The following ASXL3 variants were observed in gnomAD, a reference collection of about 807,000 sequenced individuals.
ASXL3 encodes putative Polycomb group protein ASXL3.
In ASXL3, 34 loss-of-function variants were observed where a neutral mutation model predicts 170.6. The observed-to-expected ratio is 0.20, with a 90% CI of 0.15 to 0.27. The LOEUF (loss-of-function observed/expected upper bound fraction) is 0.27, where lower values mean the gene tolerates loss of function less well. ASXL3 is among the 10% of genes least tolerant of loss of function. ASXL3 has a pLI of 1.00. For synonymous variants in ASXL3, 1,002 were observed against 989.1 expected, an observed-to-expected ratio of 1.01 and a Z score of -0.24; for missense variants, 2,592 against 2,695.3, an observed-to-expected ratio of 0.96 and a Z score of 0.85.
chr18:33,750,695 A>T lies in ASXL3; in HGVS notation c.*4100A>T, dbSNP rs184936699. 29 of 152,338 alleles carry T rather than the reference A, an allele frequency of 1.9e-4. No individual in the cohort carries two copies. The highest frequency in any genetic ancestry group is 7.0e-4 in the African/African-American group (29 of 41,592). The allele number at this position is 152,338 out of a possible 1,614,324, so 9.4% of individuals were successfully genotyped here. A position where few individuals can be genotyped will look rare whatever the true frequency, so the allele number is the denominator to read the frequency against. On this transcript the variant is annotated 3_prime_UTR_variant, in exon 12 of 12. Transcript: ENST00000269197. The stretch of plus-strand genomic sequence containing the variant: ...AATGTGAAATCAACCCAAACATAAC[A>T]TGCATGACAAACACAGATTGGGGGC...
At chr18:33,657,031 A>G (rs1375231248) in intron 4 of ASXL3, among the ~76,000 whole-genome samples, 1 of 152,148 alleles carries the variant, frequency 6.6e-6, no homozygotes, top group Admixed American at 6.6e-5. Context: ...TAAGTCCCTG[A>G]GTTTCCAAGC....
At chr18:33,732,117 C>G (rs541393351) in intron 9 of ASXL3, 53 bp downstream of exon 9, 22 of 1,406,644 alleles carry the variant, frequency 1.6e-5, no homozygotes, top group Non-Finnish European at 2.2e-5. Context: ...ACATACCGTA[C>G]TGAGCTTGTA....
At chr18:33,604,364 AAAAT>A (rs2065220988) in intron 1 of ASXL3, among the ~76,000 whole-genome samples, 1 of 152,130 alleles carries the variant, frequency 6.6e-6, no homozygotes, top group Admixed American at 6.6e-5. Context: ...TACAGGTTAC[AAAAT>A]AAATCTTAAG....
At chr18:33,726,218 C>T (rs1247566724) in intron 8 of ASXL3, among the ~76,000 whole-genome samples, 1 of 152,160 alleles carries the variant, frequency 6.6e-6, no homozygotes, top group Admixed American at 6.5e-5. Flanking sequence ...TTTCATACCA[C>T]ACATTTAATC....
intron 2 of ASXL3, among the ~76,000 whole-genome samples, chr18:33,638,135 A>G (rs2065796691): frequency 1.3e-5 from 2 of 149,864 alleles, no homozygotes; most frequent in South Asian, 2.1e-4. Context: ...TGTGTATAGT[A>G]TATATATATA....
intron 8 of ASXL3, among the ~76,000 whole-genome samples, chr18:33,729,821 ATTGGTTGTCTTGCCC>A (rs994279886): frequency 9.2e-5 from 14 of 152,050 alleles, no homozygotes; most frequent in African/African-American, 3.4e-4. Flanking sequence ...AGTTTGAGCC[ATTGGTTGTCTTGCCC>A]TGTCAGGATG....
chr18:33,729,070 T>C (rs573013321), intron 8 of ASXL3, among the ~76,000 whole-genome samples: 3 of 152,276 alleles, frequency 2.0e-5, no homozygotes, highest in African/African-American at 7.2e-5. Context: ...CCAAGCTCTT[T>C]AGGTTTGGTG....
chr18:33,744,184 A>C lies in ASXL3; in HGVS notation c.4336A>C (p.Arg1446=). Residue 1446 remains arginine (R), a synonymous_variant, in exon 12 of 12, where the codon AGG becomes CGG. Coordinates refer to ENST00000269197, the MANE Select transcript of ASXL3 (RefSeq NM_030632.3). ...GGACAAAAATTCAGGGCCTCGAAAC[A>C]GGGCAGATAATTCTGGAAAACCTCA... ...SLDKNSGPRN[R]ADNSGKPQQP... is the part of the protein sequence containing the mutation. 6.2e-7 allele frequency: 1 copy of C among 1,613,974 alleles called. No individual in the cohort carries two copies. The highest frequency in any genetic ancestry group is 8.5e-7 in the Non-Finnish European group (1 of 1,179,890).
chr18:33,593,258 C>CTTTTTT (rs34699815), intron 1 of ASXL3, among the ~76,000 whole-genome samples: 12 of 87,924 alleles, frequency 1.4e-4, no homozygotes, highest in East Asian at 3.2e-4. Flanking sequence ...CTATGCCCAC[C>CTTTTTT]TTTTTTTTTT....
intron 8 of ASXL3, among the ~76,000 whole-genome samples, chr18:33,708,267 C>T (rs1283535748): frequency 6.6e-6 from 1 of 152,012 alleles, no homozygotes; most frequent in Non-Finnish European, 1.5e-5. Flanking sequence ...TTTTAATTAC[C>T]GACTCAATTT....
intron 1 of ASXL3, among the ~76,000 whole-genome samples, chr18:33,603,316 A>G (rs2065204583): frequency 6.6e-6 from 1 of 152,040 alleles, no homozygotes; most frequent in African/African-American, 2.4e-5. Context: ...TTAAGGACCA[A>G]AGTTAACACA....
Position 33,739,007 on chromosome 18 carries a change from G to A in ASXL3, c.1603G>A (p.Asp535Asn), listed in dbSNP as rs369560043. ...SPQEEMTVVI[D>N]QLEVCDSLIP... The stretch of plus-strand genomic sequence containing the variant: ...CCAGGAAGAAATGACAGTTGTTATC[G>A]ATCAGTTAGAAGTCTGTGACTCTCT... Residue 535 changes from aspartate (D) to asparagine (N), a missense_variant, in exon 11 of 12, where the codon GAT (aspartate) becomes AAT (asparagine). Physicochemically the swap from Asp to Asn is conservative, Grantham distance 23. Coordinates refer to ENST00000269197, the MANE Select transcript of ASXL3 (RefSeq NM_030632.3). 44 of 1,613,414 alleles carry A rather than the reference G, an allele frequency of 2.7e-5. No individual in the cohort carries two copies. In the Middle Eastern group the frequency reaches 8.2e-4, roughly 30 times the overall value.
chr18:33,698,048 G>C (rs2066800847), intron 8 of ASXL3, among the ~76,000 whole-genome samples: 1 of 152,074 alleles, frequency 6.6e-6, no homozygotes, highest in Non-Finnish European at 1.5e-5. Flanking sequence ...ACTATGGTAT[G>C]AATGTAGGTA....
intron 1 of ASXL3, among the ~76,000 whole-genome samples, chr18:33,586,506 TTTAA>T (rs1568263887): frequency 6.6e-6 from 1 of 152,108 alleles, no homozygotes; most frequent in Admixed American, 6.6e-5. Context: ...ATCTTAGAGA[TTTAA>T]TTAATTTTTA....
At chr18:33,737,914 G>C (rs1173628931) in intron 10 of ASXL3, among the ~76,000 whole-genome samples, 1 of 151,954 alleles carries the variant, frequency 6.6e-6, no homozygotes, top group Admixed American at 6.6e-5. Context: ...TATTATAAGA[G>C]CATCTTTCTA....
At chr18:33,707,066 G>T (rs1319645541) in intron 8 of ASXL3, among the ~76,000 whole-genome samples, 1 of 151,430 alleles carries the variant, frequency 6.6e-6, no homozygotes, top group Non-Finnish European at 1.5e-5. Context: ...TTATATGTGA[G>T]CATCTATTTA....
chr18:33,651,300 A>G (rs1169123787), intron 4 of ASXL3, among the ~76,000 whole-genome samples: 1 of 152,144 alleles, frequency 6.6e-6, no homozygotes, highest in Non-Finnish European at 1.5e-5. Context: ...TGTCTAATAT[A>G]TATTTGAACC....
rs1168909724 is a variant in ASXL3 at position 33,578,461 on chromosome 18, G to C, written c.-171G>C. The stretch of plus-strand genomic sequence containing the variant: ...CCCCCTCGCTCCATCCCTCCCACCC[G>C]CCGCCGCCGCCGCCGCCGCCGCCGC... On this transcript the variant is annotated 5_prime_UTR_variant, in exon 1 of 12. Coordinates refer to ENST00000269197, the MANE Select transcript of ASXL3 (RefSeq NM_030632.3). 5.6e-4 allele frequency: 11 copies of C among 19,668 alleles called. No individual in the cohort carries two copies. Among genetic ancestry groups the C allele is most frequent in the African/African-American group, 1.6e-3 (10 of 6,070 alleles). The allele number at this position is 19,668 out of a possible 1,614,324, so 1.2% of individuals were successfully genotyped here. A position where few individuals can be genotyped will look rare whatever the true frequency, so the allele number is the denominator to read the frequency against.
chr18:33,706,071 T>C (rs759044164), intron 8 of ASXL3, among the ~76,000 whole-genome samples: 2 of 151,296 alleles, frequency 1.3e-5, no homozygotes, highest in Non-Finnish European at 3.0e-5. Context: ...AGTATTTCCA[T>C]TGAGTGACAT....
Sources: gnomAD v4.1 joint callset for allele counts (sites outside exome capture counted in the v4.1 genomes callset) on GRCh38, gnomAD v4.1.1 for gene constraint, MANE v1.5 for transcripts, NCBI Gene and HGNC (gene_info 2026-07-23, HGNC 2026-07-21) for gene names.